Variants in NXPE2 observed in about 807,000 individuals in gnomAD.
NXPE2 encodes NXPE family member 2.
Under a neutral mutation model 34.4 loss-of-function variants are expected in NXPE2, and 34 were observed. The observed-to-expected ratio is 0.99, with a 90% CI of 0.75 to 1.31. NXPE2 has a LOEUF of 1.31. Among genes scored for constraint, NXPE2 ranks in the 40% most tolerant of loss-of-function variants. NXPE2 has a pLI of 0.00. For missense variants in NXPE2, 649 were observed against 672.5 expected (o/e 0.97, Z 0.39); for synonymous variants, 235 against 231.3 (o/e 1.02, Z -0.15).
At chr11:114,470,582 C>CGTGTGTGT in the NXPE2 span, among the ~76,000 whole-genome samples, 808 of 144,932 alleles carry the variant, frequency 5.6e-3, 6 homozygotes, top group African/African-American at 8.2e-3. Context: ...AAAGAATTGA[C>CGTGTGTGT]GTGTGTGTGT....
At chr11:114,629,299 GCA>G in the NXPE2 span, among the ~76,000 whole-genome samples, 1 of 152,034 alleles carries the variant, frequency 6.6e-6, no homozygotes, top group African/African-American at 2.4e-5. Context: ...GAATCCAGCA[GCA>G]CATCAAAAAG....
chr11:114,522,584 AC>A, the NXPE2 span: 1 of 1,199,654 alleles, frequency 8.3e-7, no homozygotes, highest in Non-Finnish European at 1.1e-6. Flanking sequence ...CATTTAAAAT[AC>A]CCACCCTACC....
At chr11:114,503,945 T>C in the NXPE2 span, among the ~76,000 whole-genome samples, 1 of 152,210 alleles carries the variant, frequency 6.6e-6, no homozygotes, top group East Asian at 1.9e-4. Context: ...CTTGCCTGCT[T>C]ACAGGGCAGT....
Position 114,698,613 on chromosome 11 carries a change from C to T in NXPE2, c.701C>T (p.Thr234Ile). 6.2e-7 allele frequency: 1 copy of T among 1,614,168 alleles called. No individual in the cohort carries two copies. The highest frequency in any genetic ancestry group is 8.5e-7 in the Non-Finnish European group (1 of 1,180,022). Residue 234 changes from threonine (T) to isoleucine (I), a missense_variant, in exon 3 of 6, where the codon ACC (threonine) becomes ATC (isoleucine). Physicochemically the swap from Thr to Ile is moderately conservative, Grantham distance 89. Transcript: ENST00000389586. The stretch of plus-strand genomic sequence containing the variant: ...AATGTCTTCACTGAATGTGGCCTGA[C>T]CCTAAACACAAATGCTGAACTGTGC... ...SSNVFTECGLTLNTNAELCQY... is the reference protein window; with the variant it reads ...SSNVFTECGLILNTNAELCQY...
chr11:114,531,092 ATAT>A, the NXPE2 span, among the ~76,000 whole-genome samples: 10 of 151,796 alleles, frequency 6.6e-5, no homozygotes, highest in African/African-American at 2.4e-4. Context: ...AGGAAATGAG[ATAT>A]TATGATGATG....
At chr11:114,756,459 A>T in the NXPE2 span, among the ~76,000 whole-genome samples, 1 of 152,224 alleles carries the variant, frequency 6.6e-6, no homozygotes, top group African/African-American at 2.4e-5. Context: ...CTACTTTATT[A>T]TGAATATCAT....
the NXPE2 span, among the ~76,000 whole-genome samples, chr11:114,475,226 G>GTTTTTTTTTTTTTTTTTTTTT: frequency 4.5e-5 from 4 of 88,058 alleles, no homozygotes; most frequent in African/African-American, 1.2e-4. Flanking sequence ...AATGTGAACT[G>GTTTTTTTTTTTTTTTTTTTTT]TTTTTTTTTT....
the NXPE2 span, among the ~76,000 whole-genome samples, chr11:114,496,405 A>G: frequency 6.6e-6 from 1 of 152,126 alleles, no homozygotes; most frequent in Non-Finnish European, 1.5e-5. Context: ...TAGGCAATTC[A>G]AGACTGTCTT....
intron 2 of NXPE2, among the ~76,000 whole-genome samples, chr11:114,693,106 T>G (rs550108070): frequency 6.6e-6 from 1 of 152,354 alleles, no homozygotes; most frequent in South Asian, 2.1e-4. Context: ...ATCCAAACTA[T>G]TTTCTTCAAC....
the NXPE2 span, among the ~76,000 whole-genome samples, chr11:114,492,777 G>C: frequency 6.6e-6 from 1 of 152,090 alleles, no homozygotes; most frequent in African/African-American, 2.4e-5. Flanking sequence ...TTGACCTCGT[G>C]ATCCGCCTGC....
the NXPE2 span, among the ~76,000 whole-genome samples, chr11:114,791,171 G>A: frequency 6.7e-6 from 1 of 150,132 alleles, no homozygotes. Context: ...ACAACAGAAT[G>A]ATTCCGTTTG....
At chr11:114,533,674 A>C in the NXPE2 span, among the ~76,000 whole-genome samples, 1 of 152,230 alleles carries the variant, frequency 6.6e-6, no homozygotes, top group Non-Finnish European at 1.5e-5. Flanking sequence ...ACGCCCACGG[A>C]GCCTTGCTCA....
chr11:114,644,836 A>G, the NXPE2 span, among the ~76,000 whole-genome samples: 1 of 151,986 alleles, frequency 6.6e-6, no homozygotes, highest in Non-Finnish European at 1.5e-5. Context: ...AAAAAAAAAA[A>G]CTGTAATTAA....
the NXPE2 span, among the ~76,000 whole-genome samples, chr11:114,730,751 C>G: frequency 2.3e-3 from 350 of 152,186 alleles, 1 homozygote; most frequent in African/African-American, 8.1e-3. Flanking sequence ...GATTTTGTAT[C>G]CTGAAACTTT....
the NXPE2 span, chr11:114,582,235 T>C: frequency 6.1e-5 from 92 of 1,517,716 alleles, no homozygotes; most frequent in East Asian, 2.0e-3. Context: ...GATCAGTATA[T>C]AGGCCAAATC....
the NXPE2 span, among the ~76,000 whole-genome samples, chr11:114,673,096 T>C: frequency 6.7e-6 from 1 of 148,374 alleles, no homozygotes; most frequent in Non-Finnish European, 1.5e-5. Flanking sequence ...ACATATATAG[T>C]ATATATAAAA....
intron 3 of NXPE2, among the ~76,000 whole-genome samples, chr11:114,700,607 A>G (rs902605229): frequency 1.3e-5 from 2 of 152,160 alleles, no homozygotes; most frequent in Non-Finnish European, 2.9e-5. Context: ...CAGGGCCAGT[A>G]TTTTGTCTCA....
At chr11:114,713,818 C>G in the NXPE2 span, among the ~76,000 whole-genome samples, 1 of 152,224 alleles carries the variant, frequency 6.6e-6, no homozygotes, top group African/African-American at 2.4e-5. Context: ...CTGCTGCTCT[C>G]ATAGGAGTAA....
At chr11:114,481,997 G>A in the NXPE2 span, among the ~76,000 whole-genome samples, 2 of 151,784 alleles carry the variant, frequency 1.3e-5, no homozygotes, top group African/African-American at 4.8e-5. Context: ...ATTAAGAATA[G>A]CCATACACAA....
Sources: gnomAD v4.1 joint callset for allele counts (sites outside exome capture counted in the v4.1 genomes callset) on GRCh38, gnomAD v4.1.1 for gene constraint, MANE v1.5 for transcripts, NCBI Gene and HGNC (gene_info 2026-07-23, HGNC 2026-07-21) for gene names.